PCDHA4: variants seen among roughly 807,000 people sequenced by gnomAD.
PCDHA4 encodes the protein protocadherin alpha 4.
PCDHA4 carries 49 observed loss-of-function variants against 61.4 expected under a neutral mutation model. The ratio of observed to expected loss-of-function variants is 0.80; its 90% CI spans 0.63 to 1.01. The LOEUF is 1.01. Among genes scored for constraint, PCDHA4 ranks in the 50% least tolerant of loss-of-function variants. The probability of loss-of-function intolerance (pLI) is 0.00; values close to 1 mark genes in which losing one functional copy is unlikely to be tolerated. For synonymous variants in PCDHA4, 590 were observed against 550.3 expected (o/e 1.07, Z -1.01); for missense variants, 1,254 against 1,235.8 (o/e 1.01, Z -0.22).
At chr5:140,946,540 T>G (rs1182532418) in intron 1 of PCDHA4, among the ~76,000 whole-genome samples, 1 of 150,344 alleles carries the variant, frequency 6.7e-6, no homozygotes, top group African/African-American at 2.5e-5. Context: ...CATTGCAGCA[T>G]TATTCATGAT....
rs2150224520 is a variant in PCDHA4 at position 140,834,696 on chromosome 5, C to T, written c.2385+25124C>T. 3 of 1,614,242 alleles carry T rather than the reference C, an allele frequency of 1.9e-6. No homozygotes were observed. In the South Asian group the frequency reaches 3.3e-5, roughly 18 times the overall value. On this transcript the variant is annotated intron_variant, in intron 1 of 3. Transcript: ENST00000530339. The stretch of plus-strand genomic sequence containing the variant: ...CGGGCGGAGCGCGGAGTGCAGCATC[C>T]ACCTGGAGGTGATCGTGGAAAGGCC...
chr5:140,871,658 C>A, intron 1 of PCDHA4: 1 of 1,224,214 alleles, frequency 8.2e-7, no homozygotes, highest in Non-Finnish European at 1.1e-6. Flanking sequence ...TGATACACAT[C>A]TTCAGTCTTT....
Position 140,853,795 on chromosome 5 carries a change from T to C in PCDHA4, c.2385+44223T>C. On this transcript the variant is annotated intron_variant, in intron 1 of 3. Coordinates refer to ENST00000530339, the MANE Select transcript of PCDHA4 (RefSeq NM_018907.4). ...AATGGGTAGTAAGAGCAAATTTTCA[T>C]TTTAAAGCACACCTGAGATGATTCT... is the stretch of plus-strand genomic sequence containing the variant. 3 of 987,582 alleles carry C rather than the reference T, an allele frequency of 3.0e-6. 1 individual carries two copies. The highest frequency in any genetic ancestry group is 3.7e-6 in the Non-Finnish European group (3 of 819,504). The allele number at this position is 987,582 out of a possible 1,614,324, so 61.2% of individuals were successfully genotyped here.
chr5:140,823,878 C>G (rs142924665), intron 1 of PCDHA4: 3 of 1,613,924 alleles, frequency 1.9e-6, no homozygotes, highest in Non-Finnish European at 2.5e-6. Context: ...ACCTGATCAT[C>G]GCCATCTGTG....
At chr5:140,904,154 C>T (rs1163595423) in intron 1 of PCDHA4, among the ~76,000 whole-genome samples, 1 of 152,060 alleles carries the variant, frequency 6.6e-6, no homozygotes, top group Non-Finnish European at 1.5e-5. Flanking sequence ...ACATTGCACC[C>T]AGTTTGTAGT....
At chr5:140,821,418 G>C (rs1347412818) in intron 1 of PCDHA4, 2 of 182,750 alleles carry the variant, frequency 1.1e-5, no homozygotes, top group Middle Eastern at 2.5e-3. Flanking sequence ...AGAGTTTAAT[G>C]ATATATTTTG....
intron 1 of PCDHA4, among the ~76,000 whole-genome samples, chr5:140,837,963 AC>A (rs1775339746): frequency 6.6e-6 from 1 of 151,764 alleles, no homozygotes; most frequent in Non-Finnish European, 1.5e-5. Context: ...ACAGACACGA[AC>A]AACCACACCC....
intron 1 of PCDHA4, chr5:140,969,571 G>A: frequency 9.5e-7 from 1 of 1,050,970 alleles, no homozygotes; most frequent in Non-Finnish European, 1.3e-6. Context: ...AATTGTTTGA[G>A]AAGTGAGGAT....
At chr5:140,979,704 T>C (rs1430662594) in intron 2 of PCDHA4, among the ~76,000 whole-genome samples, 1 of 152,246 alleles carries the variant, frequency 6.6e-6, no homozygotes, top group Non-Finnish European at 1.5e-5. Context: ...TTTCTGGAGG[T>C]GATCCAGTAT....
chr5:140,921,168 C>A (rs1260180010), intron 1 of PCDHA4, among the ~76,000 whole-genome samples: 1 of 151,534 alleles, frequency 6.6e-6, no homozygotes, highest in Non-Finnish European at 1.5e-5. Context: ...TTTTAACACA[C>A]ATAAAGCACA....
chr5:140,871,210 A>T (rs2052831697), intron 1 of PCDHA4: 2 of 1,613,818 alleles, frequency 1.2e-6, no homozygotes, highest in Middle Eastern at 1.7e-4. Flanking sequence ...GATCATCGCC[A>T]TCTGCGTGGT....
intron 1 of PCDHA4, among the ~76,000 whole-genome samples, chr5:140,907,844 C>T (rs1402744978): frequency 1.3e-5 from 2 of 152,218 alleles, no homozygotes; most frequent in African/African-American, 4.8e-5. Context: ...TATTAAAATC[C>T]TCCTCTGCTG....
At chr5:140,954,014 A>T (rs782347890) in intron 1 of PCDHA4, among the ~76,000 whole-genome samples, 1 of 152,038 alleles carries the variant, frequency 6.6e-6, no homozygotes, top group Non-Finnish European at 1.5e-5. Context: ...CAGCTCCCAC[A>T]CATAGTGGGA....
chr5:140,966,545 G>T (rs1554228431), intron 1 of PCDHA4: 1 of 465,862 alleles, frequency 2.1e-6, no homozygotes, highest in East Asian at 3.5e-5. Context: ...CGACTCGGAG[G>T]CGAGCGGAGG....
At chr5:140,926,598 G>A (rs2083387215) in intron 1 of PCDHA4, 1 of 313,802 alleles carries the variant, frequency 3.2e-6, no homozygotes. Flanking sequence ...CGGGCGGGCG[G>A]CCTCGTCTCT....
chr5:140,911,941 T>C (rs1554195035), intron 1 of PCDHA4, among the ~76,000 whole-genome samples: 1 of 152,132 alleles, frequency 6.6e-6, no homozygotes, highest in Non-Finnish European at 1.5e-5. Flanking sequence ...TAGATGTATA[T>C]ATAAAGGGGA....
chr5:140,910,142 A>T (rs535162246), intron 1 of PCDHA4, among the ~76,000 whole-genome samples: 1 of 152,326 alleles, frequency 6.6e-6, no homozygotes, highest in South Asian at 2.1e-4. Context: ...TTAAGTCTGG[A>T]AATTGATTGA....
At position 141,003,197 on chromosome 5, in the gene PCDHA4, C is replaced by T. The variant is rs77453404; in HGVS notation, c.2534-6430C>T. 6.7e-3 allele frequency among the ~76,000 whole-genome samples: 1,024 copies of T among 152,320 alleles called. 13 individuals are homozygous for T. Among genetic ancestry groups the T allele is most frequent in the African/African-American group, 0.024 (986 of 41,560 alleles). On this transcript the variant is annotated intron_variant, in intron 3 of 3. Transcript: ENST00000530339. ...GGCTCAACTCCATCAACTCAGGCAGCCAGGGTTAGTTTAGCATGAAAGAGG... is the reference window on the plus strand; with the variant it reads ...GGCTCAACTCCATCAACTCAGGCAGTCAGGGTTAGTTTAGCATGAAAGAGG...
intron 1 of PCDHA4, chr5:140,966,814 CCGG>C (rs2096057641): frequency 1.9e-6 from 3 of 1,552,444 alleles, no homozygotes; most frequent in Non-Finnish European, 2.6e-6. Flanking sequence ...ATCCACGGCT[CCGG>C]CGGCCCATGC....
Sources: gnomAD v4.1 joint callset for allele counts (sites outside exome capture counted in the v4.1 genomes callset) on GRCh38, gnomAD v4.1.1 for gene constraint, MANE v1.5 for transcripts, NCBI Gene and HGNC (gene_info 2026-07-23, HGNC 2026-07-21) for gene names.